Variants in RAB11FIP4 observed in about 807,000 individuals in gnomAD.
RAB11FIP4 encodes the protein rab11 family-interacting protein 4.
A neutral mutation model predicts 74.3 loss-of-function variants in RAB11FIP4; 23 were observed. The observed-to-expected ratio is 0.31, with a 90% confidence interval of 0.22 to 0.44. The LOEUF (loss-of-function observed/expected upper bound fraction) is 0.44, where lower values mean the gene tolerates loss of function less well. Among genes scored for constraint, RAB11FIP4 ranks in the 20% least tolerant of loss-of-function variants. The probability of loss-of-function intolerance (pLI) is 1.00; values close to 1 mark genes in which losing one functional copy is unlikely to be tolerated. For missense variants in RAB11FIP4, 630 were observed against 863.9 expected (o/e 0.73, Z 3.39); for synonymous variants, 360 against 359.9 (o/e 1.00, Z 0.00).
At chr17:31,467,805 C>T (rs1279290090) in intron 3 of RAB11FIP4, among the ~76,000 whole-genome samples, 1 of 152,212 alleles carries the variant, frequency 6.6e-6, no homozygotes, top group Non-Finnish European at 1.5e-5. Flanking sequence ...TTCTCCCATC[C>T]CTGCTGTGAT....
At chr17:31,464,101 G>A (rs1318984596) in intron 3 of RAB11FIP4, among the ~76,000 whole-genome samples, 1 of 151,850 alleles carries the variant, frequency 6.6e-6, no homozygotes, top group African/African-American at 2.4e-5. Context: ...GGCGTGAGCC[G>A]CCGGGCCCAG....
Position 31,521,157 on chromosome 17 carries a change from G to A in RAB11FIP4, c.564-9G>A. 1 of 1,552,864 alleles carries A rather than the reference G, an allele frequency of 6.4e-7. No individual in the cohort carries two copies. The highest frequency in any genetic ancestry group is 1.8e-5 in the Admixed American group (1 of 55,426). ...TCCTCCTCTGACTTGGGTGCTCTCG[G>A]ACCCTCAGGTCCCTGGTCCACACTC... On this transcript the variant is annotated splice_polypyrimidine_tract_variant and intron_variant, in intron 4 of 14. Transcript: ENST00000621161.
intron 2 of RAB11FIP4, among the ~76,000 whole-genome samples, chr17:31,433,804 G>A (rs2071332356): frequency 6.6e-6 from 1 of 152,210 alleles, no homozygotes; most frequent in Non-Finnish European, 1.5e-5. Flanking sequence ...CTGTGTGTGG[G>A]AATTAGTCCC....
chr17:31,478,316 A>C (rs1410470379), intron 3 of RAB11FIP4, among the ~76,000 whole-genome samples: 9 of 152,098 alleles, frequency 5.9e-5, no homozygotes, highest in Non-Finnish European at 1.2e-4. Flanking sequence ...TTTAAGATGA[A>C]CATAACGTCT....
chr17:31,399,129 T>C (rs2070960371), intron 1 of RAB11FIP4, among the ~76,000 whole-genome samples: 1 of 152,012 alleles, frequency 6.6e-6, no homozygotes. Flanking sequence ...GCAGCACCCC[T>C]TTGGCCCACT....
chr17:31,445,891 C>A (rs890711978), intron 3 of RAB11FIP4, among the ~76,000 whole-genome samples: 1 of 151,798 alleles, frequency 6.6e-6, no homozygotes, highest in African/African-American at 2.4e-5. Flanking sequence ...ACCCAGCCAT[C>A]CCAATAATAT....
chr17:31,493,999 G>A (rs2072065576), intron 3 of RAB11FIP4, among the ~76,000 whole-genome samples: 2 of 151,972 alleles, frequency 1.3e-5, no homozygotes, highest in South Asian at 2.1e-4. Flanking sequence ...GGGTGGCTGA[G>A]GGTTGGGGTG....
intron 3 of RAB11FIP4, among the ~76,000 whole-genome samples, chr17:31,455,916 C>G (rs78817988): frequency 0.079 from 11,991 of 152,232 alleles, 981 homozygotes; most frequent in East Asian, 0.22. Flanking sequence ...CACTCACCCT[C>G]CGCTGAGAGT....
At chr17:31,467,121 T>TTCTTC (rs1363521979) in intron 3 of RAB11FIP4, among the ~76,000 whole-genome samples, 3 of 151,918 alleles carry the variant, frequency 2.0e-5, no homozygotes, top group Admixed American at 1.3e-4. Flanking sequence ...TTCTTTTCTT[T>TTCTTC]TCTTTTTTTG....
intron 1 of RAB11FIP4, among the ~76,000 whole-genome samples, chr17:31,422,648 A>G (rs1045343687): frequency 1.3e-5 from 2 of 152,038 alleles, no homozygotes; most frequent in African/African-American, 2.4e-5. Flanking sequence ...CTGTTGTTCT[A>G]TCACTGTTTG....
At chr17:31,489,843 C>G (rs1359243604) in intron 3 of RAB11FIP4, among the ~76,000 whole-genome samples, 1 of 151,676 alleles carries the variant, frequency 6.6e-6, no homozygotes, top group Admixed American at 6.6e-5. Flanking sequence ...AAGGGGGGGC[C>G]TGGACTTAGG....
At chr17:31,477,104 C>T (rs892972217) in intron 3 of RAB11FIP4, among the ~76,000 whole-genome samples, 2 of 152,248 alleles carry the variant, frequency 1.3e-5, no homozygotes, top group Admixed American at 1.3e-4. Flanking sequence ...GTTTGGGATA[C>T]TTCTTCATCC....
intron 3 of RAB11FIP4, among the ~76,000 whole-genome samples, chr17:31,498,227 C>T (rs1313050118): frequency 2.0e-5 from 3 of 152,198 alleles, no homozygotes; most frequent in Non-Finnish European, 4.4e-5. Context: ...GTCCCCACTG[C>T]GAGAAAGCCT....
In RAB11FIP4 at chr17:31,413,400, G is replaced by A. The variant is rs1348331521; in HGVS notation, c.160-18413G>A. On this transcript the variant is annotated intron_variant, in intron 1 of 14. Coordinates refer to ENST00000621161, the MANE Select transcript of RAB11FIP4 (RefSeq NM_032932.6). ...GAGATGTCAACAGAGGGCCTCACAC[G>A]GAGGGCACGGAGGGAGCTGTCCTTC... is the stretch of plus-strand genomic sequence containing the variant. Among the ~76,000 whole-genome samples the A allele has an allele frequency of 7.9e-5, 12 of 152,144 alleles. No individual in the cohort carries two copies. In the East Asian group the frequency reaches 1.5e-3, roughly 20 times the overall value.
intron 3 of RAB11FIP4, among the ~76,000 whole-genome samples, chr17:31,466,353 CCT>C (rs1313162801): frequency 1.3e-5 from 2 of 152,106 alleles, no homozygotes; most frequent in African/African-American, 2.4e-5. Context: ...TGTTTCTTCC[CCT>C]GTCGGTGCCT....
rs766078923 is a variant in RAB11FIP4 at position 31,523,961 on chromosome 17, C to T, written c.1098C>T (p.Ser366=). The T allele has an allele frequency of 6.2e-7, 1 of 1,612,204 alleles. No homozygotes were observed. The highest frequency in any genetic ancestry group is 2.2e-5 in the East Asian group (1 of 44,844). The change falls in exon 9 of 15, where the codon AGC becomes AGT. Residue 366 remains serine, a synonymous_variant. Coordinates refer to ENST00000621161, the MANE Select transcript of RAB11FIP4 (RefSeq NM_032932.6). ...NDSLTNGDLK[S]KLKQENTQLV... is the part of the protein sequence containing the mutation. ...GCCTGACCAATGGGGACCTGAAGAGCAAGCTGAAGCAAGAGAACACACAGC... is the reference window on the plus strand; with the variant it reads ...GCCTGACCAATGGGGACCTGAAGAGTAAGCTGAAGCAAGAGAACACACAGC...
At chr17:31,501,970 A>G (rs2072230251) in intron 3 of RAB11FIP4, among the ~76,000 whole-genome samples, 1 of 152,188 alleles carries the variant, frequency 6.6e-6, no homozygotes, top group South Asian at 2.1e-4. Flanking sequence ...CTGTAATCCC[A>G]GCACGTTGGG....
intron 1 of RAB11FIP4, among the ~76,000 whole-genome samples, chr17:31,403,155 A>C (rs2071010281): frequency 8.7e-6 from 1 of 115,434 alleles, no homozygotes; most frequent in East Asian, 2.8e-4. Context: ...CTAGGACTGC[A>C]CCTCTGACCC....
At chr17:31,528,912 G>T in intron 13 of RAB11FIP4, 134 bp downstream of exon 13, 2 of 1,024,692 alleles carry the variant, frequency 2.0e-6, no homozygotes, top group Non-Finnish European at 2.8e-6. Context: ...CAACCTGTTT[G>T]CCAGGGCTGA....
Sources: gnomAD v4.1 joint callset for allele counts (sites outside exome capture counted in the v4.1 genomes callset) on GRCh38, gnomAD v4.1.1 for gene constraint, MANE v1.5 for transcripts, NCBI Gene and HGNC (gene_info 2026-07-23, HGNC 2026-07-21) for gene names.